The following PLXNA4 variants were observed in gnomAD, a reference collection of about 807,000 sequenced individuals.
PLXNA4 encodes plexin-A4.
In PLXNA4, 44 loss-of-function variants were observed where a neutral mutation model predicts 191.8. The observed-to-expected ratio is 0.23, with a 90% CI of 0.18 to 0.29. The LOEUF is 0.29. Ranked by LOEUF, PLXNA4 falls within the 10% of genes least tolerant of loss-of-function variation. The pLI is 1.00. For synonymous variants in PLXNA4, 1,082 were observed against 1,009.5 expected, an observed-to-expected ratio of 1.07 and a Z score of -1.36; for missense variants, 1,800 against 2,488.8, an observed-to-expected ratio of 0.72 and a Z score of 5.89.
chr7:132,297,770 T>C (rs900670177), intron 4 of PLXNA4, among the ~76,000 whole-genome samples: 3 of 152,198 alleles, frequency 2.0e-5, no homozygotes, highest in Admixed American at 2.0e-4. Flanking sequence ...TAGGGAAATC[T>C]GGACCCACAA....
At chr7:132,471,492 T>C (rs1377349149) in intron 3 of PLXNA4, among the ~76,000 whole-genome samples, 1 of 152,190 alleles carries the variant, frequency 6.6e-6, no homozygotes. Context: ...TGCTGCTGGC[T>C]GAGTCCTCCC....
rs373689677 is a variant in PLXNA4 at position 132,567,307 on chromosome 7, G to A, written c.-87+9115C>T. 1.6e-4 allele frequency among the ~76,000 whole-genome samples: 10 copies of A among 63,886 alleles called. No homozygotes were observed. The South Asian group carries it at 5.1e-3, about 33-fold the overall frequency. The allele number at this position is 63,886 out of a possible 152,430, so 41.9% of individuals were successfully genotyped here. A position where few individuals can be genotyped will look rare whatever the true frequency, so the allele number is the denominator to read the frequency against. ...CAGCTTGGTCTCCCCCCCACCCCCC[G>A]CCGCAATCTATCAGTGCCAAAACCC... On this transcript the variant is annotated intron_variant, in intron 1 of 31. Coordinates refer to ENST00000321063, the MANE Select transcript of PLXNA4 (RefSeq NM_020911.2).
chr7:132,400,847 A>G (rs1288900290), intron 3 of PLXNA4, among the ~76,000 whole-genome samples: 1 of 152,218 alleles, frequency 6.6e-6, no homozygotes, highest in East Asian at 1.9e-4. Context: ...ATTATTTCTC[A>G]CTTGCAATAT....
intron 2 of PLXNA4, among the ~76,000 whole-genome samples, chr7:132,497,784 CTGGTT>C (rs2117586609): frequency 6.6e-6 from 1 of 152,280 alleles, no homozygotes; most frequent in East Asian, 1.9e-4. Flanking sequence ...CCCCTGCACC[CTGGTT>C]GTGAGCACAG....
rs1206829668 is a variant in PLXNA4 at position 132,228,559 on chromosome 7, C to T, written c.1605-90G>A. On this transcript the variant is annotated intron_variant, in intron 5 of 31. Coordinates refer to ENST00000321063, the MANE Select transcript of PLXNA4 (RefSeq NM_020911.2). ...TGAGGTCAGGTGTTTCCAGCAGCTC[C>T]CAGGATGTGTCCAAACTCAATGCGC... 30 of 1,539,662 alleles carry T rather than the reference C, an allele frequency of 1.9e-5. No homozygotes were observed. The Admixed American group carries it at 5.2e-4, about 27-fold the overall frequency.
intron 3 of PLXNA4, among the ~76,000 whole-genome samples, chr7:132,472,807 G>A (rs1477021240): frequency 6.6e-6 from 1 of 152,204 alleles, no homozygotes; most frequent in Non-Finnish European, 1.5e-5. Flanking sequence ...AGCAGGTACA[G>A]GTGATGGTGA....
rs370720544 is a variant in PLXNA4 at position 132,162,294 on chromosome 7, G to A, written c.4500+1848C>T. 2.2e-4 allele frequency among the ~76,000 whole-genome samples: 33 copies of A among 152,298 alleles called. 1 individual carries two copies. The South Asian group carries it at 6.0e-3, about 28-fold the overall frequency. On this transcript the variant is annotated intron_variant, in intron 24 of 31. Transcript: ENST00000321063. ...CTCCCTGTGGCCGTTTCTTCTCCAGGCAAAACAATTGCAGTTTCTTTCCTC... is the reference window on the plus strand; with the variant it reads ...CTCCCTGTGGCCGTTTCTTCTCCAGACAAAACAATTGCAGTTTCTTTCCTC...
Position 132,226,161 on chromosome 7 carries a change from G to A in PLXNA4, c.1982C>T (p.Ser661Leu), listed in dbSNP as rs756961353. Residue 661 changes from serine to leucine, a missense_variant and splice_region_variant, in exon 8 of 32, where the codon TCG (serine) becomes TTG (leucine). Ser to Leu is a moderately radical substitution (Grantham distance 145, BLOSUM62 -2). This residue lies in a region of PLXNA4 where 1,397 missense variants were observed against 1,880.4 expected (regional missense o/e 0.74). Coordinates refer to ENST00000321063, the MANE Select transcript of PLXNA4 (RefSeq NM_020911.2). ...FVFYNCSVHNSCLSCVESPYR... is the reference protein window; with the variant it reads ...FVFYNCSVHNLCLSCVESPYR... ...AGTGGGTAAGGCTGGGGCCACTTAC[G>A]AATTGTGGACGCTGCAATTGTAGAA... 5.1e-5 allele frequency: 82 copies of A among 1,613,236 alleles called. No homozygotes were observed. The highest frequency in any genetic ancestry group is 1.7e-4 in the Admixed American group (10 of 60,000).
intron 3 of PLXNA4, among the ~76,000 whole-genome samples, chr7:132,299,698 C>T (rs187150329): frequency 3.4e-4 from 52 of 152,280 alleles, no homozygotes; most frequent in Non-Finnish European, 6.0e-4. Context: ...TCCATTCCAC[C>T]TTCTCCCACC....
intron 3 of PLXNA4, among the ~76,000 whole-genome samples, chr7:132,401,377 T>C (rs1293438049): frequency 2.0e-5 from 3 of 152,224 alleles, no homozygotes; most frequent in Admixed American, 2.0e-4. Flanking sequence ...AGCCTGAGCA[T>C]CAGAGTTTTA....
At chr7:132,379,406 T>C (rs559202624) in intron 3 of PLXNA4, among the ~76,000 whole-genome samples, 2 of 152,298 alleles carry the variant, frequency 1.3e-5, no homozygotes, top group African/African-American at 2.4e-5. Flanking sequence ...ACAAAACCCC[T>C]GGAGGAGGGA....
Position 132,607,334 on chromosome 7 carries a change from C to T in PLXNA4, c.-87+38594G>A, listed in dbSNP as rs1348492763. On this transcript the variant is annotated intron_variant, in intron 2 of 4. Transcript: ENST00000378539. ...TCCTTCCTTCCACCTTCTCCCCCTCCTGCCTCACTGCTCACCAACCCTGGA... is the reference window on the plus strand; with the variant it reads ...TCCTTCCTTCCACCTTCTCCCCCTCTTGCCTCACTGCTCACCAACCCTGGA... 3.3e-5 allele frequency among the ~76,000 whole-genome samples: 5 copies of T among 152,154 alleles called. No homozygotes were observed. The East Asian group carries it at 9.6e-4, about 29-fold the overall frequency.
intron 3 of PLXNA4, among the ~76,000 whole-genome samples, chr7:132,424,754 T>A (rs927668014): frequency 6.6e-6 from 1 of 152,240 alleles, no homozygotes; most frequent in South Asian, 2.1e-4. Flanking sequence ...ACACATTACA[T>A]ACATGTACCA....
intron 4 of PLXNA4, among the ~76,000 whole-genome samples, chr7:132,244,619 C>T (rs1798987373): frequency 1.3e-5 from 2 of 152,106 alleles, no homozygotes; most frequent in Admixed American, 1.3e-4. Context: ...CTAGGTGCCA[C>T]CTCCTTCACC....
chr7:132,621,707 A>G (rs1184953827), intron 2 of PLXNA4, among the ~76,000 whole-genome samples: 1 of 152,262 alleles, frequency 6.6e-6, no homozygotes, highest in Non-Finnish European at 1.5e-5. Context: ...AAATACTGAT[A>G]AATAGCATTC....
At chr7:132,350,750 A>T (rs1293163168) in intron 3 of PLXNA4, among the ~76,000 whole-genome samples, 1 of 152,196 alleles carries the variant, frequency 6.6e-6, no homozygotes, top group East Asian at 1.9e-4. Flanking sequence ...GTGGTGAAAT[A>T]GATTTACTAT....
chr7:132,304,502 A>C (rs141109214), intron 3 of PLXNA4, among the ~76,000 whole-genome samples: 1 of 152,350 alleles, frequency 6.6e-6, no homozygotes, highest in Admixed American at 6.5e-5. Flanking sequence ...TACAAGTATA[A>C]AAATTTTATT....
intron 3 of PLXNA4, among the ~76,000 whole-genome samples, chr7:132,302,481 G>A (rs1176728378): frequency 1.3e-5 from 2 of 152,000 alleles, no homozygotes; most frequent in African/African-American, 4.8e-5. Context: ...TAATATCTGA[G>A]CTGCTAGTTA....
intron 4 of PLXNA4, among the ~76,000 whole-genome samples, chr7:132,276,366 A>G (rs925760947): frequency 1.3e-5 from 2 of 152,122 alleles, no homozygotes; most frequent in African/African-American, 4.8e-5. Context: ...ATGGAAAATA[A>G]AGTATAGCAT....
Sources: gnomAD v4.1 joint callset for allele counts (sites outside exome capture counted in the v4.1 genomes callset) on GRCh38, gnomAD v4.1.1 for gene constraint, gnomAD v4.1.1 regional missense constraint, MANE v1.5 for transcripts, NCBI Gene and HGNC (gene_info 2026-07-23, HGNC 2026-07-21) for gene names.